The following KLHL7 variants were observed in gnomAD, a reference collection of about 807,000 sequenced individuals.
KLHL7 encodes the protein kelch-like protein 7.
KLHL7 carries 44 observed loss-of-function variants against 67.4 expected under a neutral mutation model. The ratio of observed to expected loss-of-function variants is 0.65; its 90% CI spans 0.51 to 0.84. KLHL7 has a LOEUF of 0.84. KLHL7 is among the 40% of genes least tolerant of loss of function. KLHL7 has a pLI of 0.00. For synonymous variants in KLHL7, 252 were observed against 243.3 expected (o/e 1.04, Z -0.33); for missense variants, 362 against 718.1 (o/e 0.50, Z 5.67).
intron 6 of KLHL7, among the ~76,000 whole-genome samples, chr7:23,150,342 C>G (rs1292036133): frequency 6.6e-6 from 1 of 152,058 alleles, no homozygotes; most frequent in African/African-American, 2.4e-5. Context: ...CAGAGGTAGT[C>G]TTGAGATTGT....
chr7:23,125,951 T>C (rs1298429724), intron 4 of KLHL7: 1 of 1,024,274 alleles, frequency 9.8e-7, no homozygotes, highest in Non-Finnish European at 1.5e-6. Flanking sequence ...ATATACTGTG[T>C]TTTTTATGAT....
At chr7:23,168,816 T>C (rs1785074002) in intron 9 of KLHL7, among the ~76,000 whole-genome samples, 1 of 152,228 alleles carries the variant, frequency 6.6e-6, no homozygotes, top group South Asian at 2.1e-4. Context: ...GTTCTTCCCT[T>C]ACTAGAACAA....
intron 4 of KLHL7, among the ~76,000 whole-genome samples, chr7:23,126,372 CTAAT>C (rs1783573829): frequency 6.6e-6 from 1 of 152,160 alleles, no homozygotes; most frequent in African/African-American, 2.4e-5. Context: ...GGGGACTACT[CTAAT>C]TCCATTTTCC....
At chr7:23,125,229 T>C in intron 4 of KLHL7, 57 bp downstream of exon 4, 1 of 1,566,090 alleles carries the variant, frequency 6.4e-7, no homozygotes, top group Non-Finnish European at 8.8e-7. Context: ...TTATTTCTAA[T>C]TTAATTTTTT....
At chr7:23,153,317 T>C (rs1784598694) in intron 7 of KLHL7, among the ~76,000 whole-genome samples, 1 of 152,158 alleles carries the variant, frequency 6.6e-6, no homozygotes, top group Non-Finnish European at 1.5e-5. Flanking sequence ...GCTGATATAT[T>C]AGTGACACCC....
At position 23,123,856 on chromosome 7, in the gene KLHL7, AT is replaced by A; in HGVS notation, c.207del (p.Phe69LeufsTer3). On this transcript the variant is annotated frameshift_variant, in exon 2 of 11. Transcript: ENST00000339077. LOFTEE classifies it high-confidence loss of function. ...AHRVVLAAASHFFNLMFTTNM... is the reference protein window; with the variant it reads ...AHRVVLAAASXFFNLMFTTNM... ...CGTGTTGTTCTTGCTGCAGCCAGTC[AT>A]TTTTTTAACTTAATGTTCACAAGTA... The A allele has an allele frequency of 1.2e-6, 2 of 1,612,546 alleles. No homozygotes were observed. Among genetic ancestry groups the A allele is most frequent in the Non-Finnish European group, 1.7e-6 (2 of 1,179,014 alleles).
At chr7:23,111,917 G>A (rs1031978951) in intron 1 of KLHL7, among the ~76,000 whole-genome samples, 19 of 151,656 alleles carry the variant, frequency 1.3e-4, no homozygotes, top group African/African-American at 4.4e-4. Flanking sequence ...ATAGGAAGCT[G>A]TAGTGGTCCA....
intron 4 of KLHL7, among the ~76,000 whole-genome samples, chr7:23,132,027 A>G (rs1386332893): frequency 2.0e-5 from 3 of 152,098 alleles, no homozygotes; most frequent in African/African-American, 7.2e-5. Context: ...GTGTATATAT[A>G]CCACAGTTTC....
chr7:23,118,046 AC>A, intron 1 of KLHL7: 1 of 1,515,472 alleles, frequency 6.6e-7, no homozygotes, highest in South Asian at 1.1e-5. Flanking sequence ...CTTACTAATG[AC>A]AGCACATGTG....
rs140678722 is a variant in KLHL7 at position 23,118,820 on chromosome 7, C to T, written c.121-4957C>T. 8.6e-4 allele frequency among the ~76,000 whole-genome samples: 130 copies of T among 151,882 alleles called. 1 individual carries two copies. Among genetic ancestry groups the T allele is most frequent in the African/African-American group, 3.1e-3 (128 of 41,392 alleles). ...GGTGTGGTAGCTCGTGCCTGTAATC[C>T]CTATACTTTGAGAGGCCAAGGTAGT... On this transcript the variant is annotated intron_variant, in intron 1 of 10. Transcript: ENST00000339077.
chr7:23,137,512 T>C (rs940791243), intron 4 of KLHL7, among the ~76,000 whole-genome samples: 11 of 150,444 alleles, frequency 7.3e-5, no homozygotes, highest in Non-Finnish European at 1.5e-4. Context: ...AGAGTCTCAT[T>C]CTGTCGCCCA....
At chr7:23,131,331 C>T (rs374069097) in intron 4 of KLHL7, among the ~76,000 whole-genome samples, 2 of 152,092 alleles carry the variant, frequency 1.3e-5, no homozygotes, top group East Asian at 1.9e-4. Context: ...AAAATGCCAA[C>T]AAATGGTTCT....
intron 9 of KLHL7, 29 bp from the exon 10 acceptor site, chr7:23,172,919 A>G: frequency 7.3e-6 from 11 of 1,511,398 alleles, no homozygotes; most frequent in South Asian, 1.1e-5. Context: ...TCCTGTAAAC[A>G]AGCACACTAA....
At chr7:23,172,549 G>A (rs1215246778) in intron 9 of KLHL7, among the ~76,000 whole-genome samples, 2 of 152,136 alleles carry the variant, frequency 1.3e-5, no homozygotes, top group Non-Finnish European at 2.9e-5. Context: ...AGGTGTGATA[G>A]AACTAGTTAA....
intron 4 of KLHL7, among the ~76,000 whole-genome samples, chr7:23,137,083 G>A (rs901148413): frequency 5.9e-5 from 9 of 152,138 alleles, no homozygotes; most frequent in African/African-American, 1.4e-4. Context: ...TCAGGAGTTC[G>A]AGACCAGTCT....
At chr7:23,131,265 A>G (rs1003645031) in intron 4 of KLHL7, among the ~76,000 whole-genome samples, 28 of 152,232 alleles carry the variant, frequency 1.8e-4, no homozygotes, top group African/African-American at 6.3e-4. Context: ...GACCTTGTAC[A>G]GCTGTTATTA....
At chr7:23,158,270 G>A (rs916441518) in intron 7 of KLHL7, among the ~76,000 whole-genome samples, 1 of 152,092 alleles carries the variant, frequency 6.6e-6, no homozygotes, top group African/African-American at 2.4e-5. Context: ...GCCAGCCTGG[G>A]GTGGGGTTTT....
chr7:23,113,398 G>T (rs1243805605), intron 1 of KLHL7, among the ~76,000 whole-genome samples: 3 of 152,162 alleles, frequency 2.0e-5, no homozygotes, highest in Admixed American at 1.3e-4. Flanking sequence ...CAATCCCATG[G>T]AAACATTTTT....
chr7:23,165,368 A>G (rs1168748093), intron 7 of KLHL7, among the ~76,000 whole-genome samples: 1 of 152,194 alleles, frequency 6.6e-6, no homozygotes, highest in Non-Finnish European at 1.5e-5. Context: ...AAATAAAACA[A>G]CTTATTTTAG....
Sources: allele counts gnomAD v4.1 joint callset (sites outside exome capture counted in the v4.1 genomes callset), GRCh38; gene constraint gnomAD v4.1.1; transcripts MANE v1.5; gene names NCBI Gene and HGNC (gene_info 2026-07-23, HGNC 2026-07-21).